The following NUP210L variants were observed in gnomAD, a reference collection of about 807,000 sequenced individuals.
The protein encoded by NUP210L is nucleoporin 210 like, also known as nuclear pore membrane glycoprotein 210-like.
In NUP210L, 74 loss-of-function variants were observed where a neutral mutation model predicts 208.5. The ratio of observed to expected loss-of-function variants is 0.35; its 90% CI spans 0.29 to 0.43. The LOEUF (loss-of-function observed/expected upper bound fraction) is 0.43. NUP210L is among the 20% of genes least tolerant of loss of function. The pLI, the probability that NUP210L is intolerant of heterozygous loss-of-function variation, is 1.00. For synonymous variants in NUP210L, 780 were observed against 816.9 expected, an observed-to-expected ratio of 0.95 and a Z score of 0.77; for missense variants, 1,843 against 2,289.4, an observed-to-expected ratio of 0.81 and a Z score of 3.98.
intron 7 of NUP210L, among the ~76,000 whole-genome samples, chr1:154,131,697 G>T (rs1658261331): frequency 6.6e-6 from 1 of 152,104 alleles, no homozygotes; most frequent in South Asian, 2.1e-4. Context: ...TCTTTATCTT[G>T]ACATCACTAC....
At chr1:154,022,499 T>C (rs1441557944) in intron 31 of NUP210L, among the ~76,000 whole-genome samples, 156 bp from the exon 32 acceptor site, 3 of 151,800 alleles carry the variant, frequency 2.0e-5, no homozygotes, top group Non-Finnish European at 4.4e-5. Flanking sequence ...AGGATCAGTC[T>C]ATTACCTTCA....
At chr1:154,041,259 C>A (rs1013244969) in intron 27 of NUP210L, among the ~76,000 whole-genome samples, 1 of 152,176 alleles carries the variant, frequency 6.6e-6, no homozygotes, top group African/African-American at 2.4e-5. Context: ...GCCACCGAGC[C>A]TGGCCTTTGC....
chr1:154,023,596 G>A (rs1571180495), intron 30 of NUP210L, among the ~76,000 whole-genome samples: 1 of 151,362 alleles, frequency 6.6e-6, no homozygotes, highest in African/African-American at 2.4e-5. Context: ...TCCTACCTCA[G>A]CCTCCCAGGT....
intron 10 of NUP210L, among the ~76,000 whole-genome samples, chr1:154,122,714 T>C (rs1657677213): frequency 6.6e-6 from 1 of 151,990 alleles, no homozygotes; most frequent in Non-Finnish European, 1.5e-5. Flanking sequence ...TAGGAACACT[T>C]ATACAATGCT....
chr1:154,103,751 A>AT (rs1262914786), intron 13 of NUP210L, among the ~76,000 whole-genome samples: 1 of 152,168 alleles, frequency 6.6e-6, no homozygotes, highest in Non-Finnish European at 1.5e-5. Context: ...CAAAAAACTG[A>AT]TATTGGCCAG....
At chr1:154,095,300 T>A in intron 14 of NUP210L, 144 bp from the exon 15 acceptor site, 4 of 649,204 alleles carry the variant, frequency 6.2e-6, no homozygotes, top group Non-Finnish European at 1.1e-5. Context: ...TGCCTCTCAC[T>A]TGGAATGCTT....
At chr1:154,092,098 C>T (rs1304726357) in intron 15 of NUP210L, among the ~76,000 whole-genome samples, 24 of 129,294 alleles carry the variant, frequency 1.9e-4, no homozygotes, top group East Asian at 1.4e-3. Flanking sequence ...TTTTTTGAGA[C>T]GGAGTCTCGC....
At chr1:154,000,276 A>T (rs1289309655) in intron 37 of NUP210L, among the ~76,000 whole-genome samples, 2 of 152,200 alleles carry the variant, frequency 1.3e-5, no homozygotes, top group Admixed American at 6.6e-5. Flanking sequence ...AATGTTTCCC[A>T]TTAACTAAAC....
chr1:154,130,370 T>C (rs182114936), intron 7 of NUP210L, among the ~76,000 whole-genome samples: 4 of 151,490 alleles, frequency 2.6e-5, no homozygotes, highest in Non-Finnish European at 4.4e-5. Flanking sequence ...CCTCCCATGT[T>C]CAAGCGATTC....
chr1:154,062,301 C>T (rs773266694), intron 17 of NUP210L, among the ~76,000 whole-genome samples: 6 of 152,030 alleles, frequency 3.9e-5, no homozygotes, highest in Non-Finnish European at 7.4e-5. Flanking sequence ...AATTTTTTGT[C>T]CAATTTACAA....
intron 27 of NUP210L, among the ~76,000 whole-genome samples, chr1:154,043,968 GA>G (rs1653034767): frequency 6.6e-6 from 1 of 152,044 alleles, no homozygotes. Flanking sequence ...GGCAGGAAAA[GA>G]AAAAATCTGT....
rs867322282 is a variant in NUP210L, at chr1:154,010,110, G to A, written c.4792C>T (p.Pro1598Ser). ...TTTGTAATGGCCAAGGCCTGGTTTG[G>A]GGTACAGAATCCTGAAAAGCAGAAA... Residue 1598 changes from proline to serine, a missense_variant, in exon 35 of 40, where the codon CCA (proline) becomes TCA (serine). Transcript: ENST00000368559. 2 of 1,613,282 alleles carry A rather than the reference G, an allele frequency of 1.2e-6. No homozygotes were observed. Among genetic ancestry groups the A allele is most frequent in the Non-Finnish European group, 1.7e-6 (2 of 1,179,694 alleles).
intron 7 of NUP210L, 133 bp downstream of exon 7, chr1:154,135,681 A>C (rs933560080): frequency 1.4e-6 from 1 of 705,778 alleles, no homozygotes; most frequent in African/African-American, 1.8e-5. Context: ...TCGGCCTCCC[A>C]AAGTGCTGGA....
chr1:154,119,544 C>T (rs375157366), intron 10 of NUP210L, among the ~76,000 whole-genome samples: 19 of 152,082 alleles, frequency 1.2e-4, no homozygotes, highest in South Asian at 4.2e-4. Context: ...GCTGAGATCA[C>T]GCCACTGCAC....
intron 10 of NUP210L, among the ~76,000 whole-genome samples, chr1:154,123,806 A>C (rs1426194761): frequency 6.6e-6 from 1 of 151,734 alleles, no homozygotes; most frequent in Non-Finnish European, 1.5e-5. Context: ...TGAACTCAGG[A>C]GGCAGAGGTT....
At chr1:154,012,791 G>A (rs1389530913) in intron 33 of NUP210L, among the ~76,000 whole-genome samples, 1 of 151,214 alleles carries the variant, frequency 6.6e-6, no homozygotes, top group Admixed American at 6.6e-5. Flanking sequence ...CTCACCTGGG[G>A]TCAGGAGTTC....
At chr1:154,095,064 G>T in exon 15 of NUP210L, 1 of 1,614,060 alleles carries the variant, frequency 6.2e-7, no homozygotes, top group Non-Finnish European at 8.5e-7. Flanking sequence ...AAAATCGGGA[G>T]GGCTCCAAGA....
chr1:154,068,841 G>A (rs1320023279), intron 17 of NUP210L, among the ~76,000 whole-genome samples: 1 of 152,064 alleles, frequency 6.6e-6, no homozygotes, highest in Non-Finnish European at 1.5e-5. Context: ...GGGGGAAGGG[G>A]GGAGGGATAG....
intron 28 of NUP210L, 70 bp downstream of exon 28, chr1:154,029,826 G>A (rs1348077348): frequency 5.6e-6 from 7 of 1,252,332 alleles, no homozygotes; most frequent in Non-Finnish European, 8.0e-6. Flanking sequence ...TAAGCTCTTT[G>A]TTGATGGTAA....
Sources: allele counts gnomAD v4.1 joint callset (sites outside exome capture counted in the v4.1 genomes callset), GRCh38; gene constraint gnomAD v4.1.1; transcripts MANE v1.5; gene names NCBI Gene and HGNC (gene_info 2026-07-23, HGNC 2026-07-21).